SOX5: variants seen among roughly 807,000 people sequenced by gnomAD.
SOX5 encodes transcription factor SOX-5.
SOX5 carries 9 observed loss-of-function variants against 92.0 expected under a neutral mutation model. The observed-to-expected ratio is 0.10, with a 90% CI of 0.06 to 0.17. The LOEUF (loss-of-function observed/expected upper bound fraction) is 0.17, where lower values mean the gene tolerates loss of function less well. Among genes scored for constraint, SOX5 ranks in the 10% least tolerant of loss-of-function variants. The pLI is 1.00. For synonymous variants in SOX5, 344 were observed against 336.3 expected, an observed-to-expected ratio of 1.02 and a Z score of -0.25; for missense variants, 642 against 944.5, an observed-to-expected ratio of 0.68 and a Z score of 4.20.
intron 4 of SOX5, among the ~76,000 whole-genome samples, chr12:23,753,426 G>A (rs943628153): frequency 6.6e-6 from 1 of 151,612 alleles, no homozygotes; most frequent in Non-Finnish European, 1.5e-5. Flanking sequence ...AATATAAATG[G>A]AGGAGAAAAG....
intron 7 of SOX5, among the ~76,000 whole-genome samples, chr12:23,648,673 T>G (rs1194887634): frequency 6.6e-6 from 1 of 152,054 alleles, no homozygotes; most frequent in Non-Finnish European, 1.5e-5. Context: ...CTGCTGACAC[T>G]CTGATCTCAG....
intron 6 of SOX5, among the ~76,000 whole-genome samples, chr12:23,670,551 C>A (rs965175443): frequency 6.6e-6 from 1 of 151,980 alleles, no homozygotes; most frequent in African/African-American, 2.4e-5. Flanking sequence ...AGAGGTGGAG[C>A]AATCAGTTTA....
intron 4 of SOX5, among the ~76,000 whole-genome samples, chr12:24,139,557 C>T (rs1334253600): frequency 6.6e-6 from 1 of 152,120 alleles, no homozygotes; most frequent in Non-Finnish European, 1.5e-5. Flanking sequence ...TATTTAGAAC[C>T]TGTTTCTGTG....
rs1378379562 is a variant in SOX5 at position 23,855,990 on chromosome 12, A to G, written c.271-9797T>C. On this transcript the variant is annotated intron_variant, in intron 2 of 14. Coordinates refer to ENST00000451604, the MANE Select transcript of SOX5 (RefSeq NM_006940.6). ...GAAGCTTTTTGTGAAAGAAGCCTTT[A>G]ACATGAACTGACATTAGGCAGTGAG... is the stretch of plus-strand genomic sequence containing the variant. Among the ~76,000 whole-genome samples the G allele has an allele frequency of 2.0e-5, 3 of 152,306 alleles. No homozygotes were observed. The South Asian group carries it at 6.2e-4, about 32-fold the overall frequency.
At chr12:24,083,834 T>C (rs1943647808) in intron 4 of SOX5, among the ~76,000 whole-genome samples, 1 of 152,060 alleles carries the variant, frequency 6.6e-6, no homozygotes, top group South Asian at 2.1e-4. Flanking sequence ...CTAATGAGGC[T>C]ATTTATATGG....
intron 4 of SOX5, among the ~76,000 whole-genome samples, chr12:24,018,521 C>T (rs1028361172): frequency 3.3e-5 from 5 of 152,098 alleles, no homozygotes; most frequent in East Asian, 1.9e-4. Context: ...GCTGGCTGGG[C>T]GTGGTGGCTC....
intron 3 of SOX5, among the ~76,000 whole-genome samples, chr12:23,824,098 C>A (rs2096181018): frequency 6.6e-6 from 1 of 152,168 alleles, no homozygotes; most frequent in Non-Finnish European, 1.5e-5. Context: ...TATTACTCAC[C>A]TTCTGAAGCC....
intron 3 of SOX5, among the ~76,000 whole-genome samples, chr12:24,231,614 C>A (rs1471461762): frequency 6.6e-6 from 1 of 152,210 alleles, no homozygotes; most frequent in African/African-American, 2.4e-5. Context: ...TACACATATA[C>A]TCACAAAGAG....
At chr12:23,900,270 T>C (rs2097217314) in intron 1 of SOX5, among the ~76,000 whole-genome samples, 1 of 152,172 alleles carries the variant, frequency 6.6e-6, no homozygotes. Flanking sequence ...TACAGGAGTC[T>C]CCTTCCCTTT....
intron 1 of SOX5, among the ~76,000 whole-genome samples, chr12:24,502,196 T>C (rs956869855): frequency 6.6e-6 from 1 of 152,226 alleles, no homozygotes; most frequent in Admixed American, 6.5e-5. Flanking sequence ...CATTCTCCAG[T>C]TGTATGTAGC....
intron 3 of SOX5, among the ~76,000 whole-genome samples, chr12:24,214,980 T>C (rs76925330): frequency 0.029 from 4,348 of 152,118 alleles, 196 homozygotes; most frequent in African/African-American, 0.099. Flanking sequence ...TAACATACCA[T>C]ACCATATTAA....
intron 4 of SOX5, among the ~76,000 whole-genome samples, chr12:24,067,915 C>G (rs141254425): frequency 1.3e-5 from 2 of 152,304 alleles, no homozygotes; most frequent in Admixed American, 1.3e-4. Context: ...GAGGCCGAGG[C>G]GGGCGGATTG....
intron 9 of SOX5, among the ~76,000 whole-genome samples, chr12:23,594,201 A>G (rs1372507830): frequency 1.4e-5 from 2 of 145,504 alleles, no homozygotes; most frequent in Non-Finnish European, 3.0e-5. Context: ...ATGAATCTGG[A>G]AAAAAAAAAA....
intron 9 of SOX5, among the ~76,000 whole-genome samples, chr12:23,577,910 A>G (rs999818366): frequency 6.6e-6 from 1 of 151,700 alleles, no homozygotes; most frequent in Non-Finnish European, 1.5e-5. Context: ...TCATGAGGTC[A>G]GGAGATTGAG....
At chr12:24,121,564 TAA>T (rs1565478562) in intron 4 of SOX5, among the ~76,000 whole-genome samples, 5 of 142,436 alleles carry the variant, frequency 3.5e-5, no homozygotes, top group African/African-American at 1.3e-4. Context: ...TACAAATGGC[TAA>T]CTTTTTTTTT....
intron 4 of SOX5, among the ~76,000 whole-genome samples, chr12:24,098,999 C>T (rs1945757451): frequency 6.6e-6 from 1 of 152,150 alleles, no homozygotes; most frequent in Non-Finnish European, 1.5e-5. Context: ...GTCTTCCTAT[C>T]TAAGGCTCTG....
chr12:23,917,654 A>C (rs2097431401), intron 1 of SOX5, among the ~76,000 whole-genome samples: 1 of 152,240 alleles, frequency 6.6e-6, no homozygotes, highest in Non-Finnish European at 1.5e-5. Flanking sequence ...CAACACTTTA[A>C]GTATCCAAAC....
intron 1 of SOX5, among the ~76,000 whole-genome samples, chr12:24,493,185 A>G (rs1442824894): frequency 6.6e-6 from 1 of 152,116 alleles, no homozygotes; most frequent in Non-Finnish European, 1.5e-5. Context: ...TATGGGTGGG[A>G]GATCAAAAGT....
At chr12:23,666,610 A>T (rs1350965300) in intron 6 of SOX5, among the ~76,000 whole-genome samples, 1 of 152,164 alleles carries the variant, frequency 6.6e-6, no homozygotes, top group African/African-American at 2.4e-5. Flanking sequence ...CATGTTTAAA[A>T]TTACCTTTCT....
Sources: gnomAD v4.1 joint callset for allele counts (sites outside exome capture counted in the v4.1 genomes callset) on GRCh38, gnomAD v4.1.1 for gene constraint, MANE v1.5 for transcripts, NCBI Gene and HGNC (gene_info 2026-07-23, HGNC 2026-07-21) for gene names.